MYCBP2: variants seen among roughly 807,000 people sequenced by gnomAD.
MYCBP2 encodes the protein E3 ubiquitin-protein ligase MYCBP2.
Under a neutral mutation model 525.3 loss-of-function variants are expected in MYCBP2, and 120 were observed. The ratio of observed to expected loss-of-function variants is 0.23; its 90% CI spans 0.20 to 0.27. MYCBP2 has a LOEUF of 0.27. Among genes scored for constraint, MYCBP2 ranks in the 10% least tolerant of loss-of-function variants. The probability of loss-of-function intolerance (pLI) is 1.00; values close to 1 mark genes in which losing one functional copy is unlikely to be tolerated. For synonymous variants in MYCBP2, 1,894 were observed against 1,955.8 expected (o/e 0.97, Z 0.83); for missense variants, 4,149 against 5,657.1 (o/e 0.73, Z 8.55).
At chr13:77,317,080 G>A (rs1650415454) in intron 1 of MYCBP2, among the ~76,000 whole-genome samples, 1 of 152,010 alleles carries the variant, frequency 6.6e-6, no homozygotes, top group Non-Finnish European at 1.5e-5. Flanking sequence ...CTCCCAATTA[G>A]CTGGGATTAC....
intron 46 of MYCBP2, among the ~76,000 whole-genome samples, chr13:77,153,598 A>G (rs534958588): frequency 1.4e-4 from 22 of 152,316 alleles, no homozygotes; most frequent in Non-Finnish European, 2.6e-4. Context: ...CCTTGAAGTA[A>G]ATCACTGAAT....
intron 21 of MYCBP2, among the ~76,000 whole-genome samples, chr13:77,214,333 C>T (rs1191740764): frequency 6.6e-6 from 1 of 152,164 alleles, no homozygotes; most frequent in African/African-American, 2.4e-5. Context: ...AAAGATACAC[C>T]TCTAACAATA....
In MYCBP2 at chr13:77,326,687, G is replaced by A; in HGVS notation, c.89C>T (p.Ser30Phe). 3 of 1,450,884 alleles carry A rather than the reference G, an allele frequency of 2.1e-6. No homozygotes were observed. The highest frequency in any genetic ancestry group is 2.7e-6 in the Non-Finnish European group (3 of 1,109,734). The allele number at this position is 1,450,884 out of a possible 1,614,324, so 89.9% of individuals were successfully genotyped here. Residue 30 changes from serine to phenylalanine, a missense_variant, in exon 1 of 83, where the codon TCC becomes TTC. Ser to Phe is a radical substitution (Grantham distance 155, BLOSUM62 -2). Coordinates refer to ENST00000544440, the MANE Select transcript of MYCBP2 (RefSeq NM_015057.5). This position sits in a 1 kb window ranked among gnomAD's most constrained non-coding sequence, Gnocchi z 4.2. Reference sequence around the variant, plus strand: ...GAACAGCGCCCCCGGCGCCGGGGAGGAAGAGAAGGTGGCGGCTGGGTAGAA... The same window carrying A: ...GAACAGCGCCCCCGGCGCCGGGGAGAAAGAGAAGGTGGCGGCTGGGTAGAA... ...DGFYPAATFSSSPAPGALFMP... is the reference protein window; with the variant it reads ...DGFYPAATFSFSPAPGALFMP...
intron 59 of MYCBP2, 146 bp downstream of exon 59, chr13:77,093,015 TCATA>T: frequency 1.5e-6 from 1 of 656,342 alleles, no homozygotes; most frequent in Non-Finnish European, 2.5e-6. Flanking sequence ...CTTACCTTAG[TCATA>T]CATGTATGCT....
intron 18 of MYCBP2, among the ~76,000 whole-genome samples, chr13:77,229,543 G>C (rs776387021): frequency 2.6e-4 from 39 of 152,128 alleles, no homozygotes; most frequent in Non-Finnish European, 4.6e-4. Context: ...AATTCTGAAA[G>C]AGAAAACAAA....
At chr13:77,130,574 C>T (rs2052586018) in intron 52 of MYCBP2, among the ~76,000 whole-genome samples, 1 of 151,878 alleles carries the variant, frequency 6.6e-6, no homozygotes, top group South Asian at 2.1e-4. Context: ...CCAACTGCCC[C>T]CTAATTAAAA....
chr13:77,286,664 G>A (rs1420184208), intron 3 of MYCBP2, among the ~76,000 whole-genome samples: 7 of 140,106 alleles, frequency 5.0e-5, no homozygotes, highest in African/African-American at 1.9e-4. Context: ...GCTGAGGCAG[G>A]AGAATGGCCT....
Position 77,051,124 on chromosome 13 carries a change from T to C in MYCBP2, c.13794A>G (p.Lys4598=). ...CAGCCACTGAACAGCAGTAGCGACA[T>C]TTATATTCCAAAAAGTCTGTGCCAT... ...PKHGTDFLEY[K]CRYCCSVAVF... Residue 4598 remains lysine (K), a synonymous_variant, in exon 82 of 83, where the codon AAA becomes AAG. Transcript: ENST00000544440. 1.2e-6 allele frequency: 2 copies of C among 1,611,824 alleles called. No individual in the cohort carries two copies. The highest frequency in any genetic ancestry group is 2.2e-5 in the South Asian group (2 of 90,784).
At chr13:77,285,857 GGGAAA>G (rs71102731) in intron 3 of MYCBP2, among the ~76,000 whole-genome samples, 4,527 of 146,096 alleles carry the variant, frequency 0.031, 150 homozygotes, top group African/African-American at 0.085. Flanking sequence ...GAGAAAGGAA[GGGAAA>G]GGAAAGGAAA....
At position 77,174,377 on chromosome 13, in the gene MYCBP2, G is replaced by A. The variant is rs1467813749; in HGVS notation, c.5585C>T (p.Thr1862Met). The A allele has an allele frequency of 3.1e-6, 5 of 1,614,114 alleles. No homozygotes were observed. Among genetic ancestry groups the A allele is most frequent in the Non-Finnish European group, 1.7e-6 (2 of 1,180,016 alleles). Residue 1862 changes from threonine (T) to methionine (M), a missense_variant, in exon 37 of 83, where the codon ACG (threonine) becomes ATG (methionine). By Grantham distance (81) the Thr-to-Met change is moderately conservative. Coordinates refer to ENST00000544440, the MANE Select transcript of MYCBP2 (RefSeq NM_015057.5). Reference sequence around the variant, plus strand: ...TGTGCCGTTACTGCTCAAGCTGCACGTGCTGAATGTGAATGTCACACCATC... The same window carrying A: ...TGTGCCGTTACTGCTCAAGCTGCACATGCTGAATGTGAATGTCACACCATC... ...CPDGVTFTFS[T>M]CSLSSNGTNQ...
At position 77,098,782 on chromosome 13, in the gene MYCBP2, T is replaced by C; in HGVS notation, c.8372A>G (p.Asn2791Ser). The change falls in exon 56 of 83, where the codon AAC becomes AGC. Residue 2791 changes from asparagine (N) to serine (S), a missense_variant. Coordinates refer to ENST00000544440, the MANE Select transcript of MYCBP2 (RefSeq NM_015057.5). ...TTTCAATGTCTGCAAGGTGTTATGG[T>C]TGGGGGATAATGACCTACTGTGGGA... Reference protein sequence around the residue: ...SDSHSRSLSPNHNTLQTLKSD... With the variant: ...SDSHSRSLSPSHNTLQTLKSD... 1 of 1,613,484 alleles carries C rather than the reference T, an allele frequency of 6.2e-7. No homozygotes were observed. Among genetic ancestry groups the C allele is most frequent in the Non-Finnish European group, 8.5e-7 (1 of 1,179,730 alleles).
chr13:77,152,881 C>G (rs536391056), intron 46 of MYCBP2, among the ~76,000 whole-genome samples: 31 of 151,906 alleles, frequency 2.0e-4, no homozygotes, highest in Non-Finnish European at 1.3e-4. Context: ...CTGGCTAACA[C>G]GGTGAAACCC....
At chr13:77,120,569 T>G (rs961033598) in intron 55 of MYCBP2, among the ~76,000 whole-genome samples, 5 of 152,196 alleles carry the variant, frequency 3.3e-5, no homozygotes, top group Non-Finnish European at 7.3e-5. Flanking sequence ...ACGTAAGCTA[T>G]CTGCTCCCTT....
chr13:77,261,661 A>G (rs9544443), intron 11 of MYCBP2, among the ~76,000 whole-genome samples: 2,454 of 152,148 alleles, frequency 0.016, 26 homozygotes, highest in Non-Finnish European at 0.024. Flanking sequence ...AGTAACATCA[A>G]AGATAACAGA....
intron 20 of MYCBP2, 44 bp downstream of exon 20, chr13:77,224,407 A>G: frequency 8.3e-7 from 1 of 1,202,604 alleles, no homozygotes; most frequent in Non-Finnish European, 1.2e-6. Flanking sequence ...AGAAAACAGA[A>G]GAAAAAATAA....
At chr13:77,097,171 C>T (rs1015615802) in intron 56 of MYCBP2, among the ~76,000 whole-genome samples, 199 bp downstream of exon 56, 7 of 152,144 alleles carry the variant, frequency 4.6e-5, no homozygotes, top group Admixed American at 1.3e-4. Context: ...TGAAATAGCA[C>T]TAAATGACCT....
chr13:77,209,268 C>T (rs2063701906), intron 23 of MYCBP2, among the ~76,000 whole-genome samples: 1 of 152,180 alleles, frequency 6.6e-6, no homozygotes, highest in Admixed American at 6.5e-5. Flanking sequence ...GTTAAGACCC[C>T]ACGGAAATGG....
Position 77,292,221 on chromosome 13 carries a change from C to T in MYCBP2, c.379-3845G>A, listed in dbSNP as rs1252473506. ...GCTCAGTCAATGAAGAACTAGGAAGCCTATGCCATAACTTCCTATACATCA... is the reference window on the plus strand; with the variant it reads ...GCTCAGTCAATGAAGAACTAGGAAGTCTATGCCATAACTTCCTATACATCA... On this transcript the variant is annotated intron_variant, in intron 2 of 82. Transcript: ENST00000544440. Among the ~76,000 whole-genome samples, 4 of 152,284 alleles carry T rather than the reference C, an allele frequency of 2.6e-5. No individual in the cohort carries two copies. In the South Asian group the frequency reaches 6.2e-4, roughly 24 times the overall value.
intron 11 of MYCBP2, among the ~76,000 whole-genome samples, chr13:77,261,706 T>C (rs1022913744): frequency 1.3e-5 from 2 of 151,962 alleles, no homozygotes; most frequent in African/African-American, 4.8e-5. Context: ...TAAAGAAGTC[T>C]GAAATATTTC....
Sources: gnomAD v4.1 joint callset for allele counts (sites outside exome capture counted in the v4.1 genomes callset) on GRCh38, gnomAD v4.1.1 for gene constraint, Gnocchi (gnomAD v3.1) non-coding constraint, MANE v1.5 for transcripts, NCBI Gene and HGNC (gene_info 2026-07-23, HGNC 2026-07-21) for gene names.